Variants in SIPA1L1 observed in about 807,000 individuals in gnomAD.
SIPA1L1 encodes signal-induced proliferation-associated 1-like protein 1.
A neutral mutation model predicts 162.7 loss-of-function variants in SIPA1L1; 26 were observed. The observed-to-expected ratio is 0.16, with a 90% CI of 0.12 to 0.22. The LOEUF is 0.22. Ranked by LOEUF, SIPA1L1 falls within the 10% of genes least tolerant of loss-of-function variation. The pLI is 1.00. For missense variants in SIPA1L1, 1,874 were observed against 2,241.0 expected, an observed-to-expected ratio of 0.84 and a Z score of 3.31; for synonymous variants, 829 against 837.4, an observed-to-expected ratio of 0.99 and a Z score of 0.17.
intron 2 of SIPA1L1, among the ~76,000 whole-genome samples, chr14:71,441,969 C>T (rs555219259): frequency 4.0e-5 from 6 of 151,550 alleles, no homozygotes; most frequent in Admixed American, 1.3e-4. Flanking sequence ...GTCAGGAGTT[C>T]GAGACTAGCC....
chr14:71,542,694 T>C (rs1255732385), intron 4 of SIPA1L1, among the ~76,000 whole-genome samples: 1 of 107,716 alleles, frequency 9.3e-6, no homozygotes, highest in African/African-American at 3.8e-5. Flanking sequence ...TCCTTCTCCC[T>C]TCTCCTCCTC....
intron 2 of SIPA1L1, among the ~76,000 whole-genome samples, chr14:71,362,707 A>C (rs2037926269): frequency 1.3e-5 from 2 of 152,152 alleles, no homozygotes; most frequent in Non-Finnish European, 2.9e-5. Flanking sequence ...TTCAATCTTT[A>C]GGTGAAATTT....
At chr14:71,705,540 G>T (rs2082376301) in intron 16 of SIPA1L1, among the ~76,000 whole-genome samples, 200 bp downstream of exon 16, 1 of 152,062 alleles carries the variant, frequency 6.6e-6, no homozygotes, top group Admixed American at 6.5e-5. Flanking sequence ...ACTCCTCATT[G>T]CTGTGCTTCT....
chr14:71,436,999 C>T (rs147781869), intron 2 of SIPA1L1, among the ~76,000 whole-genome samples: 2,585 of 152,030 alleles, frequency 0.017, 72 homozygotes, highest in African/African-American at 0.059. Flanking sequence ...CTCTTGATCT[C>T]GTGATCTGCC....
In SIPA1L1 at chr14:71,373,517, C is replaced by T. The variant is rs527980675; in HGVS notation, c.-465+52336C>T. Among the ~76,000 whole-genome samples the T allele has an allele frequency of 1.3e-4, 19 of 151,144 alleles. No homozygotes were observed. The East Asian group carries it at 3.5e-3, about 28-fold the overall frequency. On this transcript the variant is annotated intron_variant, in intron 2 of 23. Transcript: ENST00000381232. ...GCTGGCGCCTGTAATCCCAGCTACC[C>T]GGGAGGCTGAGGTGGGAGAATTGCT... is the stretch of plus-strand genomic sequence containing the variant.
intron 2 of SIPA1L1, among the ~76,000 whole-genome samples, chr14:71,478,634 AC>A (rs1366031186): frequency 5.9e-5 from 9 of 152,300 alleles, no homozygotes; most frequent in Admixed American, 1.3e-4. Flanking sequence ...TTGCCATTGT[AC>A]CTTTACCAAG....
At chr14:71,725,016 C>G (rs1284856035) in intron 19 of SIPA1L1, among the ~76,000 whole-genome samples, 181 bp downstream of exon 19, 3 of 152,202 alleles carry the variant, frequency 2.0e-5, no homozygotes, top group Admixed American at 1.3e-4. Context: ...TGCTCTGTCC[C>G]TGCAGCCACA....
intron 2 of SIPA1L1, among the ~76,000 whole-genome samples, chr14:71,411,104 A>T (rs2042371752): frequency 6.6e-6 from 1 of 151,856 alleles, no homozygotes; most frequent in South Asian, 2.1e-4. Context: ...CACACATCAG[A>T]CTTTTCTTTA....
chr14:71,725,663 C>T (rs11850220), intron 19 of SIPA1L1, among the ~76,000 whole-genome samples: 15,827 of 152,106 alleles, frequency 0.1, 1,038 homozygotes, highest in African/African-American at 0.18. Flanking sequence ...TGTGGAGTCT[C>T]ACGCCCCCGG....
Position 71,587,617 on chromosome 14 carries a change from TC to T in SIPA1L1, c.-254del. The T allele has an allele frequency of 2.1e-6, 1 of 467,312 alleles. No individual in the cohort carries two copies. The highest frequency in any genetic ancestry group is 3.8e-6 in the Non-Finnish European group (1 of 266,022). The allele number at this position is 467,312 out of a possible 1,614,324, so 28.9% of individuals were successfully genotyped here. On this transcript the variant is annotated 5_prime_UTR_variant, in exon 5 of 24. An upstream open reading frame in the 5' UTR loses its in-frame stop. Coordinates refer to ENST00000381232, the MANE Select transcript of SIPA1L1 (RefSeq NM_001386936.1). ...ACCACAGAATCTCAGTAGTACAAGT[TC>T]CATTCAGTTTTTTCTGAAAGAAAGC...
In SIPA1L1 at chr14:71,426,680, CG is replaced by C. The variant is rs1375029406; in HGVS notation, c.-464-86059del. ...AATTTTTTTGTATTTTTAGTATAGA[CG>C]GGGTTTCACCATGTTGGCCAAGCTG... On this transcript the variant is annotated intron_variant, in intron 2 of 23. Transcript: ENST00000381232. 5.9e-5 allele frequency among the ~76,000 whole-genome samples: 9 copies of C among 151,914 alleles called. No individual in the cohort carries two copies. In the East Asian group the frequency reaches 1.7e-3, roughly 29 times the overall value.
chr14:71,516,062 C>A (rs576912190), intron 3 of SIPA1L1, among the ~76,000 whole-genome samples: 1 of 152,200 alleles, frequency 6.6e-6, no homozygotes, highest in African/African-American at 2.4e-5. Flanking sequence ...TATAAAGAAC[C>A]CTTTGCTTTA....
chr14:71,320,673 C>T (rs2032566584), intron 1 of SIPA1L1, 170 bp downstream of exon 1: 1 of 124,400 alleles, frequency 8.0e-6, no homozygotes, highest in African/African-American at 2.9e-5. Context: ...ACTTACCTGT[C>T]CCCTCCCCCA....
intron 2 of SIPA1L1, among the ~76,000 whole-genome samples, chr14:71,464,896 T>TTA (rs1461950640): frequency 2.0e-5 from 3 of 152,028 alleles, no homozygotes; most frequent in Admixed American, 2.0e-4. Flanking sequence ...GGGACTTTAG[T>TTA]TATAGGTCTA....
chr14:71,597,683 G>A (rs2036206994), intron 5 of SIPA1L1, among the ~76,000 whole-genome samples: 1 of 152,160 alleles, frequency 6.6e-6, no homozygotes, highest in Admixed American at 6.5e-5. Context: ...CTTGCATGGA[G>A]CTGAGTTTCC....
At chr14:71,341,489 T>A (rs200375041) in intron 2 of SIPA1L1, among the ~76,000 whole-genome samples, 2 of 152,214 alleles carry the variant, frequency 1.3e-5, no homozygotes, top group Non-Finnish European at 2.9e-5. Flanking sequence ...ATTAGAAATA[T>A]ACAGATTTTT....
chr14:71,378,857 CT>C (rs1215497054), intron 2 of SIPA1L1, among the ~76,000 whole-genome samples: 15 of 151,932 alleles, frequency 9.9e-5, no homozygotes, highest in Non-Finnish European at 1.8e-4. Flanking sequence ...TGAAATGTTG[CT>C]TTTCATAATT....
At chr14:71,364,510 G>C (rs1041246568) in intron 2 of SIPA1L1, among the ~76,000 whole-genome samples, 9 of 152,208 alleles carry the variant, frequency 5.9e-5, no homozygotes, top group Non-Finnish European at 1.0e-4. Context: ...ATTCAGTTGT[G>C]TTGTGTGTGT....
intron 2 of SIPA1L1, among the ~76,000 whole-genome samples, chr14:71,419,075 G>GT (rs769024018): frequency 5.9e-5 from 9 of 152,158 alleles, no homozygotes; most frequent in African/African-American, 9.7e-5. Context: ...GAGCAGGGGT[G>GT]TTTCCTGAAC....
Sources: gnomAD v4.1 joint callset for allele counts (sites outside exome capture counted in the v4.1 genomes callset) on GRCh38, gnomAD v4.1.1 for gene constraint, MANE v1.5 for transcripts, NCBI Gene and HGNC (gene_info 2026-07-23, HGNC 2026-07-21) for gene names.